RFC5: variants seen among roughly 807,000 people sequenced by gnomAD.
RFC5 encodes the protein replication factor C subunit 5.
RFC5 carries 26 observed loss-of-function variants against 44.3 expected under a neutral mutation model. The observed-to-expected ratio is 0.59, with a 90% CI of 0.43 to 0.81. The LOEUF is 0.81. RFC5 is among the 40% of genes least tolerant of loss of function. RFC5 has a pLI of 0.00. For synonymous variants in RFC5, 155 were observed against 155.2 expected, an observed-to-expected ratio of 1.00 and a Z score of 0.01; for missense variants, 328 against 418.6, an observed-to-expected ratio of 0.78 and a Z score of 1.89.
rs1218349129 is a variant in RFC5, at chr12:118,031,568, G to A, written c.*290G>A. The stretch of plus-strand genomic sequence containing the variant: ...AAAGTTATAAGGTTTTTACCTTTTA[G>A]TTGCTTGGATGACAGGGAATTAGCC... On this transcript the variant is annotated 3_prime_UTR_variant, in exon 11 of 11. Coordinates refer to ENST00000454402, the MANE Select transcript of RFC5 (RefSeq NM_007370.7). 2 of 191,130 alleles carry A rather than the reference G, an allele frequency of 1.0e-5. No homozygotes were observed. The highest frequency in any genetic ancestry group is 2.1e-5 in the Non-Finnish European group (2 of 94,018). 11.8% of individuals were successfully genotyped at this position (191,130 alleles called of 1,614,324 possible). A position where few individuals can be genotyped will look rare whatever the true frequency, so the allele number is the denominator to read the frequency against.
At chr12:118,040,276 G>A in the RFC5 span, among the ~76,000 whole-genome samples, 3 of 152,140 alleles carry the variant, frequency 2.0e-5, no homozygotes, top group Non-Finnish European at 4.4e-5. Context: ...GCGCCTGTCA[G>A]CTGGGAACCA....
chr12:118,016,903 G>A lies in RFC5; in HGVS notation c.65+11G>A. On this transcript the variant is annotated intron_variant, in intron 1 of 10. Coordinates refer to ENST00000454402, the MANE Select transcript of RFC5 (RefSeq NM_007370.7). ...CAGGAACCTGCCCTGGTAGGAGGAG[G>A]CCGAGCGGCGGCGGTGGGCAGAGGG... The A allele has an allele frequency of 6.2e-7, 1 of 1,611,684 alleles. No homozygotes were observed. Among genetic ancestry groups the A allele is most frequent in the Non-Finnish European group, 8.5e-7 (1 of 1,178,750 alleles).
the RFC5 span, chr12:118,038,444 G>C: frequency 3.9e-6 from 6 of 1,534,064 alleles, no homozygotes; most frequent in Non-Finnish European, 5.4e-6. Flanking sequence ...AGGAAGACTG[G>C]AGAACGGGAG....
chr12:118,023,762 G>C (rs957040211), intron 5 of RFC5, among the ~76,000 whole-genome samples: 2 of 151,744 alleles, frequency 1.3e-5, no homozygotes, highest in South Asian at 4.2e-4. Flanking sequence ...GCCCATAGAA[G>C]GTGAAGTGTC....
the RFC5 span, among the ~76,000 whole-genome samples, chr12:118,040,325 T>C: frequency 3.9e-3 from 596 of 152,208 alleles, 5 homozygotes; most frequent in South Asian, 0.015. Context: ...CTCTCATAAT[T>C]GGCCTACTCC....
intron 8 of RFC5, 83 bp from the exon 9 acceptor site, chr12:118,027,870 T>G: frequency 1.2e-6 from 1 of 827,062 alleles, no homozygotes; most frequent in Admixed American, 1.8e-5. Flanking sequence ...CTTTAAAAAG[T>G]CTCTTGCCCG....
intron 1 of RFC5, among the ~76,000 whole-genome samples, chr12:118,018,237 G>A (rs1463655915): frequency 1.3e-5 from 2 of 152,150 alleles, no homozygotes; most frequent in Non-Finnish European, 2.9e-5. Context: ...AGTCTATTTG[G>A]GTAGGAGTTC....
At chr12:118,033,805 C>T (rs773986149), downstream of RFC5, 88 of 228,222 alleles carry the variant, frequency 3.9e-4, no homozygotes, top group Admixed American at 3.0e-4. Flanking sequence ...CAGAAGCCAT[C>T]GTTCCCAGCG....
At chr12:118,034,129 T>C (rs1593460207), downstream of RFC5, 2 of 1,593,450 alleles carry the variant, frequency 1.3e-6, no homozygotes, top group Non-Finnish European at 8.6e-7. Context: ...TTTGGCCCAT[T>C]ATTCCAGCAA....
At chr12:118,022,171 A>G (rs1418221095) in intron 4 of RFC5, 115 bp from the exon 5 acceptor site, 32 of 811,426 alleles carry the variant, frequency 3.9e-5, no homozygotes, top group Non-Finnish European at 6.5e-5. Flanking sequence ...AAAGTTCTAG[A>G]AGAAATTGTC....
Position 118,028,032 on chromosome 12 carries a change from TA to T in RFC5, c.871+4del. The T allele has an allele frequency of 6.3e-7, 1 of 1,577,218 alleles. No homozygotes were observed. Among genetic ancestry groups the T allele is most frequent in the Non-Finnish European group, 8.7e-7 (1 of 1,147,644 alleles). On this transcript the variant is annotated splice_donor_region_variant and intron_variant, in intron 9 of 10. Coordinates refer to ENST00000454402, the MANE Select transcript of RFC5 (RefSeq NM_007370.7). ...AGATACACTTGTTTGTGCATAGAGGTAACTTACATTATCCCCCAGCTGAGAA... is the reference window on the plus strand; with the variant it reads ...AGATACACTTGTTTGTGCATAGAGGTACTTACATTATCCCCCAGCTGAGAA...
At chr12:118,039,714 T>A in the RFC5 span, among the ~76,000 whole-genome samples, 2 of 152,098 alleles carry the variant, frequency 1.3e-5, no homozygotes, top group Non-Finnish European at 2.9e-5. Context: ...TGCGGATGTA[T>A]GGATCCACAA....
At chr12:118,035,309 G>C (rs371908533), downstream of RFC5, 25 of 1,614,028 alleles carry the variant, frequency 1.5e-5, no homozygotes, top group Non-Finnish European at 1.6e-5. Context: ...CCATGGCGGG[G>C]TCAACCTGGG....
chr12:118,036,272 C>T, downstream of RFC5: 2 of 1,547,514 alleles, frequency 1.3e-6, no homozygotes, highest in Admixed American at 1.8e-5. Context: ...AGAGACATGT[C>T]TAATCCCAGG....
At chr12:118,018,455 C>A (rs2030252969) in intron 1 of RFC5, among the ~76,000 whole-genome samples, 1 of 152,148 alleles carries the variant, frequency 6.6e-6, no homozygotes, top group Admixed American at 6.5e-5. Context: ...TGCCATAGGA[C>A]CCTCTGCCCA....
At chr12:118,038,741 C>T in the RFC5 span, among the ~76,000 whole-genome samples, 25 of 152,194 alleles carry the variant, frequency 1.6e-4, no homozygotes, top group African/African-American at 5.8e-4. Flanking sequence ...AATACAGTGG[C>T]GCGATCTCAG....
chr12:118,019,022 A>T lies in RFC5; in HGVS notation c.66-50A>T, dbSNP rs996908373. On this transcript the variant is annotated intron_variant, in intron 1 of 10. Transcript: ENST00000454402. This position sits in a 1 kb window ranked among gnomAD's most constrained non-coding sequence, Gnocchi z 4.2. ...CCTGCAAGGATTCTTTTGCACATAAAATATTCTTGCATTTATATATGTCAT... is the reference window on the plus strand; with the variant it reads ...CCTGCAAGGATTCTTTTGCACATAATATATTCTTGCATTTATATATGTCAT... The T allele has an allele frequency of 5.9e-6, 8 of 1,361,094 alleles. No individual in the cohort carries two copies. The African/African-American group carries it at 8.6e-5, about 15-fold the overall frequency. The allele number at this position is 1,361,094 out of a possible 1,614,324, so 84.3% of individuals were successfully genotyped here. A position where few individuals can be genotyped will look rare whatever the true frequency, so the allele number is the denominator to read the frequency against.
Position 118,029,786 on chromosome 12 carries a change from C to G in RFC5, c.887C>G (p.Ser296Ter). 1 of 1,609,762 alleles carries G rather than the reference C, an allele frequency of 6.2e-7. No homozygotes were observed. The highest frequency in any genetic ancestry group is 8.5e-7 in the Non-Finnish European group (1 of 1,176,046). Residue 296 changes from serine to a stop codon, truncating the protein, a stop_gained, in exon 10 of 11, where the codon TCA (serine) becomes TGA (stop). Coordinates refer to ENST00000454402, the MANE Select transcript of RFC5 (RefSeq NM_007370.7). LOFTEE classifies it high-confidence loss of function. The part of the protein sequence containing the change: ...LFVHRVDFPS[S>*]VRIHLLTKMA... Reference sequence around the variant, plus strand: ...TTTCCCTCAGTTGACTTTCCATCTTCAGTTCGAATACATTTATTGACCAAA... The same window carrying G: ...TTTCCCTCAGTTGACTTTCCATCTTGAGTTCGAATACATTTATTGACCAAA...
At chr12:118,025,098 T>C (rs934139191) in intron 6 of RFC5, 88 bp downstream of exon 6, 125 of 1,362,516 alleles carry the variant, frequency 9.2e-5, no homozygotes, top group Admixed American at 5.9e-4. Flanking sequence ...AGGAGAGGAA[T>C]GTTGGAAAAC....
Sources: gnomAD v4.1 joint callset for allele counts (sites outside exome capture counted in the v4.1 genomes callset) on GRCh38, gnomAD v4.1.1 for gene constraint, Gnocchi (gnomAD v3.1) non-coding constraint, MANE v1.5 for transcripts, NCBI Gene and HGNC (gene_info 2026-07-23, HGNC 2026-07-21) for gene names.